Variants in NKAIN2 observed in about 807,000 individuals in gnomAD.
NKAIN2 encodes the protein sodium/potassium-transporting ATPase subunit beta-1-interacting protein 2.
In NKAIN2, 14 loss-of-function variants were observed where a neutral mutation model predicts 32.6. That is an observed-to-expected ratio of 0.43 (90% CI 0.28 to 0.67). NKAIN2 has a LOEUF of 0.67. NKAIN2 is among the 30% of genes least tolerant of loss of function. The pLI, the probability that NKAIN2 is intolerant of heterozygous loss-of-function variation, is 0.17. For missense variants in NKAIN2, 198 were observed against 258.3 expected (o/e 0.77, Z 1.60); for synonymous variants, 80 against 87.2 (o/e 0.92, Z 0.46).
intron 1 of NKAIN2, among the ~76,000 whole-genome samples, chr6:123,914,544 A>T (rs11755174): frequency 6.6e-6 from 1 of 151,834 alleles, no homozygotes; most frequent in Non-Finnish European, 1.5e-5. Flanking sequence ...TCAACGTACA[A>T]ACCTTCAGTT....
intron 1 of NKAIN2, among the ~76,000 whole-genome samples, chr6:124,282,575 T>C (rs923743192): frequency 6.6e-6 from 1 of 152,188 alleles, no homozygotes; most frequent in African/African-American, 2.4e-5. Flanking sequence ...TTGCTAAAGA[T>C]TTCTTTTTCC....
At chr6:124,356,319 T>C (rs1038459059) in intron 3 of NKAIN2, among the ~76,000 whole-genome samples, 2 of 152,232 alleles carry the variant, frequency 1.3e-5, no homozygotes, top group African/African-American at 2.4e-5. Context: ...ATTTATGATC[T>C]TACATGCAGG....
At chr6:123,877,180 C>T (rs1390603516) in intron 1 of NKAIN2, among the ~76,000 whole-genome samples, 1 of 152,066 alleles carries the variant, frequency 6.6e-6, no homozygotes, top group Non-Finnish European at 1.5e-5. Flanking sequence ...TATTATTTAA[C>T]ATATAAATTA....
chr6:124,652,835 G>A (rs931972081), intron 3 of NKAIN2, among the ~76,000 whole-genome samples: 1 of 152,122 alleles, frequency 6.6e-6, no homozygotes, highest in East Asian at 1.9e-4. Flanking sequence ...GTCCATTGGT[G>A]AGCCTGGAGT....
chr6:124,188,195 C>T (rs1406942854), intron 1 of NKAIN2, among the ~76,000 whole-genome samples: 1 of 152,150 alleles, frequency 6.6e-6, no homozygotes, highest in Admixed American at 6.5e-5. Flanking sequence ...AGCATCATAT[C>T]ATGATTCAAT....
chr6:124,425,653 C>T (rs1049292964), intron 3 of NKAIN2, among the ~76,000 whole-genome samples: 1 of 151,846 alleles, frequency 6.6e-6, no homozygotes, highest in Non-Finnish European at 1.5e-5. Flanking sequence ...CTGAACAGAC[C>T]TTTCTCCAAA....
At chr6:124,282,276 C>A in intron 1 of NKAIN2, 1 of 361,760 alleles carries the variant, frequency 2.8e-6, no homozygotes, top group Non-Finnish European at 5.4e-6. Context: ...AAGTGTCTTG[C>A]TTTTATAACA....
At chr6:124,247,705 T>C (rs758665893) in intron 1 of NKAIN2, among the ~76,000 whole-genome samples, 1 of 152,126 alleles carries the variant, frequency 6.6e-6, no homozygotes, top group Non-Finnish European at 1.5e-5. Flanking sequence ...TGCCTAGACA[T>C]AGAATATAAA....
intron 3 of NKAIN2, among the ~76,000 whole-genome samples, chr6:124,369,184 C>T (rs980657): frequency 0.23 from 35,066 of 151,984 alleles, 4,121 homozygotes; most frequent in Admixed American, 0.3. Context: ...TCTCTAAAGC[C>T]CACTCTATGG....
intron 3 of NKAIN2, among the ~76,000 whole-genome samples, chr6:124,361,214 G>A (rs2114275580): frequency 1.3e-5 from 2 of 152,088 alleles, no homozygotes; most frequent in African/African-American, 4.8e-5. Flanking sequence ...ATTATTTTTT[G>A]AATAGTAATA....
rs970268666 is a variant in NKAIN2 at position 124,167,477 on chromosome 6, G to A, written c.55-115528G>A. Among the ~76,000 whole-genome samples the A allele has an allele frequency of 8.5e-5, 13 of 152,266 alleles. No homozygotes were observed. In the South Asian group the frequency reaches 1.7e-3, roughly 19 times the overall value. On this transcript the variant is annotated intron_variant, in intron 1 of 6. Coordinates refer to ENST00000368417, the MANE Select transcript of NKAIN2 (RefSeq NM_001040214.3). Reference sequence around the variant, plus strand: ...TGTCATCTGCAAACAGGGACAATTTGACTTCCTCTTTTCCTAATTGAATAC... The same window carrying A: ...TGTCATCTGCAAACAGGGACAATTTAACTTCCTCTTTTCCTAATTGAATAC...
intron 1 of NKAIN2, among the ~76,000 whole-genome samples, chr6:124,026,985 A>G (rs1029821664): frequency 1.3e-5 from 2 of 151,646 alleles, no homozygotes; most frequent in Admixed American, 6.6e-5. Flanking sequence ...TTCTGCCTCA[A>G]ATTTTTTCTT....
intron 1 of NKAIN2, among the ~76,000 whole-genome samples, chr6:123,910,467 C>T (rs1775113849): frequency 7.1e-6 from 1 of 140,952 alleles, no homozygotes; most frequent in African/African-American, 2.7e-5. Flanking sequence ...CATAAACTAA[C>T]ATTTGTTTTG....
At chr6:124,156,150 G>T (rs374458817) in intron 1 of NKAIN2, among the ~76,000 whole-genome samples, 3 of 152,038 alleles carry the variant, frequency 2.0e-5, no homozygotes, top group African/African-American at 7.2e-5. Context: ...AGACACTTAA[G>T]GGGGCCAGGA....
intron 3 of NKAIN2, among the ~76,000 whole-genome samples, chr6:124,437,130 A>G (rs1284124252): frequency 6.6e-6 from 1 of 152,176 alleles, no homozygotes; most frequent in Non-Finnish European, 1.5e-5. Flanking sequence ...TCACCCTTGC[A>G]CTGTCAGTCC....
chr6:124,590,191 G>A (rs1308454037), intron 3 of NKAIN2, among the ~76,000 whole-genome samples: 1 of 152,076 alleles, frequency 6.6e-6, no homozygotes, highest in African/African-American at 2.4e-5. Context: ...CTTCCCTTAG[G>A]CCCTAAGGCC....
In NKAIN2 at chr6:123,945,357, C is replaced by G. The variant is rs115383280; in HGVS notation, c.54+141103C>G. ...GGTATATTAAGAATTTTAATATGAA[C>G]ACTGCTTTCAATTTGTCATGTCAGT... On this transcript the variant is annotated intron_variant, in intron 1 of 6. Transcript: ENST00000368417. Among the ~76,000 whole-genome samples the G allele has an allele frequency of 4.5e-3, 692 of 152,168 alleles. 1 individual carries two copies. Among genetic ancestry groups the G allele is most frequent in the African/African-American group, 0.016 (659 of 41,530 alleles).
intron 1 of NKAIN2, among the ~76,000 whole-genome samples, chr6:124,221,342 T>G: frequency 7.3e-6 from 1 of 137,514 alleles, no homozygotes; most frequent in Non-Finnish European, 1.5e-5. Context: ...CACTCATAGG[T>G]GGGAATTGAA....
At chr6:123,817,674 C>A (rs1289940841) in intron 1 of NKAIN2, among the ~76,000 whole-genome samples, 2 of 152,198 alleles carry the variant, frequency 1.3e-5, no homozygotes, top group Non-Finnish European at 2.9e-5. Flanking sequence ...GGGAGGCAAC[C>A]CAGCCATGTA....
Sources: allele counts gnomAD v4.1 joint callset (sites outside exome capture counted in the v4.1 genomes callset), GRCh38; gene constraint gnomAD v4.1.1; transcripts MANE v1.5; gene names NCBI Gene and HGNC (gene_info 2026-07-23, HGNC 2026-07-21).